Variants in DNTT observed in about 807,000 individuals in gnomAD.
DNTT encodes nucleosidetriphosphate:DNA deoxynucleotidylexotransferase.
DNTT carries 47 observed loss-of-function variants against 60.9 expected under a neutral mutation model. That is an observed-to-expected ratio of 0.77 (90% confidence interval 0.61 to 0.98). The LOEUF (loss-of-function observed/expected upper bound fraction) is 0.98. DNTT is among the 50% of genes least tolerant of loss of function. DNTT has a pLI of 0.00. For missense variants in DNTT, 665 were observed against 627.5 expected (o/e 1.06, Z -0.64); for synonymous variants, 224 against 221.2 (o/e 1.01, Z -0.11).
chr10:96,310,332 G>A (rs1483472328), intron 1 of DNTT, among the ~76,000 whole-genome samples: 3 of 152,174 alleles, frequency 2.0e-5, no homozygotes, highest in African/African-American at 7.2e-5. Context: ...AATTTATGGT[G>A]TCTGAAATCA....
rs1844970816 is a variant in DNTT at position 96,328,826 on chromosome 10, A to G, written c.1109A>G (p.Lys370Arg). 4 of 1,611,744 alleles carry G rather than the reference A, an allele frequency of 2.5e-6. No individual in the cohort carries two copies. The East Asian group carries it at 8.9e-5, about 36-fold the overall frequency. The change falls in exon 8 of 11, where the codon AAG becomes AGG. Residue 370 changes from lysine to arginine, a missense_variant. Transcript: ENST00000371174. ...LLQKVMNLWE[K>R]KGLLLYYDLV... ...CAGAAAGTGATGAACTTATGGGAAA[A>G]GAAGGTGAGAAGAAAGATGAAAAAT...
At chr10:96,326,620 T>TAG (rs774592418) in intron 6 of DNTT, among the ~76,000 whole-genome samples, 13 of 152,262 alleles carry the variant, frequency 8.5e-5, no homozygotes, top group South Asian at 6.2e-4. Flanking sequence ...CGCAAAGAAG[T>TAG]AGACTTAGGC....
chr10:96,314,472 G>T (rs1023061448), intron 1 of DNTT, among the ~76,000 whole-genome samples: 5 of 135,712 alleles, frequency 3.7e-5, no homozygotes, highest in Non-Finnish European at 7.6e-5. Context: ...GAGTGTAGTG[G>T]CACAATCTCA....
intron 10 of DNTT, 49 bp from the exon 11 acceptor site, chr10:96,338,089 G>A (rs1845094304): frequency 6.5e-7 from 1 of 1,538,958 alleles, no homozygotes; most frequent in Non-Finnish European, 8.9e-7. Context: ...CCACACCATG[G>A]TGCTTATGAA....
intron 9 of DNTT, among the ~76,000 whole-genome samples, chr10:96,332,918 T>G (rs1845025261): frequency 6.6e-6 from 1 of 152,158 alleles, no homozygotes; most frequent in Non-Finnish European, 1.5e-5. Context: ...GCCCGGAAAT[T>G]TGTTTGGAAA....
intron 1 of DNTT, among the ~76,000 whole-genome samples, chr10:96,308,040 G>A (rs1844665461): frequency 6.6e-6 from 1 of 152,004 alleles, no homozygotes; most frequent in African/African-American, 2.4e-5. Flanking sequence ...CCGTGCCCAG[G>A]CTACAATAAG....
In DNTT at chr10:96,304,563, G is replaced by A. The variant is rs779048686; in HGVS notation, c.66G>A (p.Leu22=). ...AGAGACCCCGGCAGACGGGTGCCTT[G>A]ATGGCCTCCTCTCCTCAAGACATCA... ...RKKRPRQTGA[L]MASSPQDIKF... Residue 22 remains leucine (L), a synonymous_variant, in exon 1 of 11, where the codon TTG becomes TTA. Coordinates refer to ENST00000371174, the MANE Select transcript of DNTT (RefSeq NM_004088.4). The A allele has an allele frequency of 1.2e-5, 19 of 1,614,008 alleles. No individual in the cohort carries two copies. The highest frequency in any genetic ancestry group is 8.3e-5 in the Admixed American group (5 of 60,002).
chr10:96,324,120 C>A, intron 5 of DNTT, 146 bp from the exon 6 acceptor site: 1 of 1,067,236 alleles, frequency 9.4e-7, no homozygotes, highest in Non-Finnish European at 1.3e-6. Flanking sequence ...ATAACCATCA[C>A]CCACCTGCTC....
intron 9 of DNTT, among the ~76,000 whole-genome samples, chr10:96,333,529 A>G (rs1390678861): frequency 6.6e-6 from 1 of 152,262 alleles, no homozygotes; most frequent in Admixed American, 6.5e-5. Flanking sequence ...TCATTGCAGC[A>G]TGATACACCA....
intron 1 of DNTT, among the ~76,000 whole-genome samples, chr10:96,310,756 T>C (rs1207431624): frequency 6.6e-6 from 1 of 152,188 alleles, no homozygotes; most frequent in Non-Finnish European, 1.5e-5. Context: ...CCTCAAGAAA[T>C]ATTTGCTCAG....
chr10:96,321,964 C>T (rs978782398), intron 4 of DNTT, among the ~76,000 whole-genome samples: 6 of 152,162 alleles, frequency 3.9e-5, no homozygotes, highest in African/African-American at 1.4e-4. Context: ...ACTCAAGTGG[C>T]CTAAATCTTG....
At chr10:96,330,518 G>A (rs1259070957) in intron 8 of DNTT, among the ~76,000 whole-genome samples, 2 of 152,052 alleles carry the variant, frequency 1.3e-5, no homozygotes, top group Admixed American at 6.6e-5. Flanking sequence ...GGTTAACTAC[G>A]GCAACATCTA....
chr10:96,308,994 C>G (rs939230141), intron 1 of DNTT, among the ~76,000 whole-genome samples: 4 of 152,148 alleles, frequency 2.6e-5, no homozygotes, highest in African/African-American at 9.7e-5. Context: ...GATATGATGG[C>G]CTGGCCTGGG....
chr10:96,325,051 G>GGCTACC (rs1844923916), intron 6 of DNTT, among the ~76,000 whole-genome samples: 1 of 152,204 alleles, frequency 6.6e-6, no homozygotes, highest in Admixed American at 6.5e-5. Context: ...GGGCCTCTCA[G>GGCTACC]AGGTTGAAGG....
intron 9 of DNTT, among the ~76,000 whole-genome samples, chr10:96,335,587 A>C (rs986899027): frequency 6.6e-6 from 1 of 152,240 alleles, no homozygotes; most frequent in African/African-American, 2.4e-5. Flanking sequence ...ATCCTGGTAG[A>C]ACGCTCACGC....
intron 6 of DNTT, among the ~76,000 whole-genome samples, chr10:96,324,791 G>T (rs577930952): frequency 3.9e-5 from 6 of 152,216 alleles, no homozygotes; most frequent in Non-Finnish European, 8.8e-5. Context: ...TTGGGTCCTG[G>T]CTGTCTCCCT....
At chr10:96,307,345 T>TG (rs1844650876) in intron 1 of DNTT, among the ~76,000 whole-genome samples, 3 of 1,088 alleles carry the variant, frequency 2.8e-3, no homozygotes, top group African/African-American at 5.2e-3. Flanking sequence ...GTTTTCCAGT[T>TG]TTTTTTTTTT....
chr10:96,320,663 G>T lies in DNTT; in HGVS notation c.553G>T (p.Glu185Ter), dbSNP rs773989995. Residue 185 changes from glutamate (E) to a stop codon, truncating the protein, a stop_gained, in exon 4 of 11, where the codon GAA (glutamate) becomes TAA (stop). Coordinates refer to ENST00000371174, the MANE Select transcript of DNTT (RefSeq NM_004088.4). LOFTEE classifies it high-confidence loss of function. ...LAENCEFREN[E>*]DSCVTFMRAA... ...TGAAAACTGTGAGTTTAGAGAAAAT[G>T]AAGACTCCTGTGTGACATTTATGAG... 14 of 1,613,720 alleles carry T rather than the reference G, an allele frequency of 8.7e-6. 1 individual carries two copies. The Admixed American group carries it at 2.3e-4, about 27-fold the overall frequency.
chr10:96,335,931 G>T lies in DNTT; in HGVS notation c.1400G>T (p.Arg467Leu), dbSNP rs147702836. The T allele has an allele frequency of 6.2e-7, 1 of 1,614,152 alleles. No homozygotes were observed. Among genetic ancestry groups the T allele is most frequent in the Admixed American group, 1.7e-5 (1 of 60,032 alleles). ...RDLRRYATHE[R>L]KMILDNHALY... ...CTCCGGCGCTATGCCACACATGAGC[G>T]GAAGATGATTCTGGATAACCATGCT... The change falls in exon 10 of 11, where the codon CGG becomes CTG. Residue 467 changes from arginine to leucine, a missense_variant. By Grantham distance (102) the Arg-to-Leu change is moderately radical. Transcript: ENST00000371174.
Sources: allele counts gnomAD v4.1 joint callset (sites outside exome capture counted in the v4.1 genomes callset), GRCh38; gene constraint gnomAD v4.1.1; transcripts MANE v1.5; gene names NCBI Gene and HGNC (gene_info 2026-07-23, HGNC 2026-07-21).